USP50: variants seen among roughly 807,000 people sequenced by gnomAD.
USP50 encodes the protein ubiquitin carboxyl-terminal hydrolase 50.
USP50 carries 37 observed loss-of-function variants against 39.2 expected under a neutral mutation model. The observed-to-expected ratio is 0.94, with a 90% confidence interval of 0.73 to 1.24. The LOEUF is 1.24. Among genes scored for constraint, USP50 ranks in the 50% most tolerant of loss-of-function variants. USP50 has a pLI of 0.00. For synonymous variants in USP50, 139 were observed against 144.5 expected (o/e 0.96, Z 0.27); for missense variants, 374 against 398.2 (o/e 0.94, Z 0.52).
rs563375612 is a variant in USP50 at position 50,539,308 on chromosome 15, G to A, written c.661-457C>T. Among the ~76,000 whole-genome samples the A allele has an allele frequency of 2.0e-5, 3 of 150,598 alleles. No homozygotes were observed. In the East Asian group the frequency reaches 5.9e-4, roughly 29 times the overall value. On this transcript the variant is annotated intron_variant, in intron 4 of 6. Coordinates refer to ENST00000532404, the MANE Select transcript of USP50 (RefSeq NM_203494.5). ...ATTTTTAGTAGAAATGGGGTGATCT[G>A]CCTACCTTGGCCTCCCAAAGTGCTG...
intron 1 of USP50, chr15:50,494,428 AG>A: frequency 3.0e-6 from 2 of 658,870 alleles, no homozygotes; most frequent in South Asian, 5.2e-5. Flanking sequence ...ATAAAACATC[AG>A]GTAAGTGTAA....
At chr15:50,518,623 C>T (rs12914427) in intron 6 of USP50, among the ~76,000 whole-genome samples, 12,098 of 145,510 alleles carry the variant, frequency 0.083, 548 homozygotes, top group South Asian at 0.13. Context: ...TAAAACCAGA[C>T]CCCCATCTCT....
downstream of USP50, among the ~76,000 whole-genome samples, chr15:50,496,647 T>C (rs747801380): frequency 4.6e-5 from 7 of 152,210 alleles, no homozygotes; most frequent in Non-Finnish European, 8.8e-5. Context: ...TAAAAAGTTT[T>C]ATAAGTTAAT....
chr15:50,521,361 A>T (rs2052849223), intron 6 of USP50, among the ~76,000 whole-genome samples: 1 of 152,178 alleles, frequency 6.6e-6, no homozygotes. Context: ...CAATTTGATC[A>T]GTACATATTG....
At chr15:50,494,240 T>C in intron 1 of USP50, 2 of 1,612,582 alleles carry the variant, frequency 1.2e-6, no homozygotes, top group Non-Finnish European at 1.7e-6. Flanking sequence ...CAAGAATTGC[T>C]TCTGTTCCTA....
chr15:50,504,771 A>T, intron 6 of USP50: 1 of 152,162 alleles, frequency 6.6e-6, no homozygotes, highest in Non-Finnish European at 1.5e-5. Context: ...TGAGGTCAGG[A>T]GTTCAAGACC....
intron 6 of USP50, among the ~76,000 whole-genome samples, chr15:50,525,558 ATATATGTATATATGTATATGTATATATG>A (rs1194167928): frequency 2.8e-5 from 3 of 107,284 alleles, no homozygotes; most frequent in Non-Finnish European, 4.1e-5. Context: ...ATATATGTGT[ATATATGTATATATGTATATGTATATATG>A]TATATGTATA....
At chr15:50,505,763 A>G in intron 6 of USP50, 1 of 152,486 alleles carries the variant, frequency 6.6e-6, no homozygotes, top group South Asian at 2.1e-4. Flanking sequence ...GTTTGAGACC[A>G]GCCTGGGCAA....
At chr15:50,497,126 C>A (rs80089999), downstream of USP50, 3 of 1,604,702 alleles carry the variant, frequency 1.9e-6, no homozygotes, top group Non-Finnish European at 2.5e-6. Flanking sequence ...GAAAAACTCA[C>A]AGATAACAAC....
Position 50,546,482 on chromosome 15 carries a change from T to C in USP50, c.44A>G (p.Tyr15Cys). ...GTAGATCAAGGCTCACAGGACGTGG[T>C]AGATATCGAAGTCATCTGCAGGGAG... is the stretch of plus-strand genomic sequence containing the variant. ...PSLPADDFDI[Y>C]HVLAECTDYY... Residue 15 changes from tyrosine to cysteine, a missense_variant, in exon 1 of 7, where the codon TAC becomes TGC. Physicochemically the swap from Tyr to Cys is radical, Grantham distance 194. Coordinates refer to ENST00000532404, the MANE Select transcript of USP50 (RefSeq NM_203494.5). 1.2e-6 allele frequency: 2 copies of C among 1,613,706 alleles called. No homozygotes were observed. Among genetic ancestry groups the C allele is most frequent in the East Asian group, 2.2e-5 (1 of 44,874 alleles).
chr15:50,500,737 AT>A lies in USP50; in HGVS notation c.*31del. The A allele has an allele frequency of 6.4e-7, 1 of 1,562,244 alleles. No homozygotes were observed. The highest frequency in any genetic ancestry group is 1.4e-5 in the African/African-American group (1 of 74,036). On this transcript the variant is annotated 3_prime_UTR_variant, in exon 7 of 7. Coordinates refer to ENST00000532404, the MANE Select transcript of USP50 (RefSeq NM_203494.5). ...AGCATTTTGAACAGAAGTATCTGGA[AT>A]CTCACTGACTCGTGTGTTATCAAAG... is the stretch of plus-strand genomic sequence containing the variant.
At chr15:50,506,133 G>A (rs532395259) in intron 6 of USP50, 1 of 152,308 alleles carries the variant, frequency 6.6e-6, no homozygotes, top group South Asian at 2.1e-4. Flanking sequence ...AACTTCCAAA[G>A]TTGTAGAGGG....
intron 6 of USP50, among the ~76,000 whole-genome samples, chr15:50,518,422 A>T (rs1165249757): frequency 1.3e-5 from 2 of 151,570 alleles, no homozygotes; most frequent in African/African-American, 4.9e-5. Flanking sequence ...ACGGGGTTTC[A>T]CCGCAGTCTC....
chr15:50,506,812 G>A (rs946166795), intron 6 of USP50: 2 of 151,954 alleles, frequency 1.3e-5, no homozygotes, highest in Non-Finnish European at 2.9e-5. Context: ...CAAAAAATTA[G>A]CCGGGCATGG....
At chr15:50,515,388 T>C (rs1490770549) in intron 6 of USP50, among the ~76,000 whole-genome samples, 1 of 152,038 alleles carries the variant, frequency 6.6e-6, no homozygotes, top group African/African-American at 2.4e-5. Context: ...ATTATGGGCA[T>C]GTGCCACCAC....
intron 6 of USP50, among the ~76,000 whole-genome samples, chr15:50,515,409 T>C (rs1390377323): frequency 1.5e-4 from 23 of 152,142 alleles, no homozygotes. Flanking sequence ...GCCCGGCTAA[T>C]TTTTGTATTT....
chr15:50,500,720 G>T lies in USP50; in HGVS notation c.*49C>A, dbSNP rs780517084. The T allele has an allele frequency of 2.8e-5, 43 of 1,522,862 alleles. No individual in the cohort carries two copies. Among genetic ancestry groups the T allele is most frequent in the Non-Finnish European group, 3.7e-5 (41 of 1,118,430 alleles). 94.3% of individuals were successfully genotyped at this position (1,522,862 alleles called of 1,614,324 possible). ...TAGAACAGGAGATCCATAGCATTTT[G>T]AACAGAAGTATCTGGAATCTCACTG... On this transcript the variant is annotated 3_prime_UTR_variant, in exon 7 of 7. Coordinates refer to ENST00000532404, the MANE Select transcript of USP50 (RefSeq NM_203494.5).
chr15:50,524,737 G>A (rs1386512089), intron 6 of USP50, among the ~76,000 whole-genome samples: 1 of 152,166 alleles, frequency 6.6e-6, no homozygotes, highest in Non-Finnish European at 1.5e-5. Flanking sequence ...AGCCAGGTGT[G>A]GTAACACATG....
At chr15:50,518,533 G>T (rs75747588) in intron 6 of USP50, among the ~76,000 whole-genome samples, 28,588 of 151,776 alleles carry the variant, frequency 0.19, 2,944 homozygotes, top group Admixed American at 0.29. Flanking sequence ...TCTTCAAAAG[G>T]TGCCAAGAAC....
Sources: allele counts gnomAD v4.1 joint callset (sites outside exome capture counted in the v4.1 genomes callset), GRCh38; gene constraint gnomAD v4.1.1; transcripts MANE v1.5; gene names NCBI Gene and HGNC (gene_info 2026-07-23, HGNC 2026-07-21).